The following SEC16A variants were observed in gnomAD, a reference collection of about 807,000 sequenced individuals.
The protein encoded by SEC16A is SEC16 homolog A, endoplasmic reticulum export factor, also known as protein transport protein Sec16A.
A neutral mutation model predicts 221.9 loss-of-function variants in SEC16A; 110 were observed. The observed-to-expected ratio is 0.50, with a 90% CI of 0.42 to 0.58. SEC16A has a LOEUF of 0.58. Among genes scored for constraint, SEC16A ranks in the 20% least tolerant of loss-of-function variants. The pLI, the probability that SEC16A is intolerant of heterozygous loss-of-function variation, is 0.00. For synonymous variants in SEC16A, 1,393 were observed against 1,257.7 expected, an observed-to-expected ratio of 1.11 and a Z score of -2.28; for missense variants, 3,165 against 3,097.8, an observed-to-expected ratio of 1.02 and a Z score of -0.52.
In SEC16A at chr9:136,464,737, C is replaced by T. The variant is rs542787039; in HGVS notation, c.4304-175G>A. Reference sequence around the variant, plus strand: ...TACTTAAAAGTAGAACTTCAGCATACGTCAGGAAAAGAAAAATGTCTGAAT... The same window carrying T: ...TACTTAAAAGTAGAACTTCAGCATATGTCAGGAAAAGAAAAATGTCTGAAT... On this transcript the variant is annotated intron_variant, in intron 8 of 31. Transcript: ENST00000684901. 6.2e-4 allele frequency among the ~76,000 whole-genome samples: 94 copies of T among 152,324 alleles called. No individual in the cohort carries two copies. The highest frequency in any genetic ancestry group is 3.4e-3 in the Middle Eastern group (1 of 294).
rs1262415751 is a variant in SEC16A, at chr9:136,448,169, TA to T, written c.6313-9del. 23 of 1,609,518 alleles carry T rather than the reference TA, an allele frequency of 1.4e-5. No individual in the cohort carries two copies. The highest frequency in any genetic ancestry group is 2.0e-5 in the Non-Finnish European group (23 of 1,176,356). On this transcript the variant is annotated splice_polypyrimidine_tract_variant and intron_variant, in intron 23 of 31. Transcript: ENST00000684901. ...AAAGAACCAGGATTCACCCTAAATA[TA>T]AAAAACACGAGAACAACTTTGAAAA...
chr9:136,461,058 G>A, intron 13 of SEC16A, 119 bp downstream of exon 13: 3 of 759,946 alleles, frequency 3.9e-6, no homozygotes, highest in South Asian at 3.0e-5. Context: ...CCGAGTTCGT[G>A]TGGGAGCACA....
At position 136,474,472 on chromosome 9, in the gene SEC16A, G is replaced by A; in HGVS notation, c.3144C>T (p.Ala1048=). Residue 1048 remains alanine (A), a synonymous_variant, in exon 3 of 32, where the codon GCC becomes GCT. Transcript: ENST00000684901. The part of the protein sequence containing the change: ...DRFYQQVTKD[A]QGQPGLERAQ... ...CTCTTTCGAGGCCAGGCTGGCCCTG[G>A]GCATCTTTCGTGACCTGCTGATAAA... 2.5e-6 allele frequency: 4 copies of A among 1,613,052 alleles called. No individual in the cohort carries two copies. In the South Asian group the frequency reaches 3.3e-5, roughly 13 times the overall value.
At chr9:136,479,540 G>A (rs1313135731) in intron 1 of SEC16A, among the ~76,000 whole-genome samples, 1 of 152,064 alleles carries the variant, frequency 6.6e-6, no homozygotes, top group Non-Finnish European at 1.5e-5. Context: ...TTTCAGTAGA[G>A]ATGGGGTTTC....
In SEC16A at chr9:136,453,861, C is replaced by A. The variant is rs566012343; in HGVS notation, c.6076+248G>T. The stretch of plus-strand genomic sequence containing the variant: ...CCCAGGAGACCCATGGCCACCATGC[C>A]CTGCCCCAAATGGCCATTTAAGCTT... On this transcript the variant is annotated intron_variant, in intron 21 of 31. Transcript: ENST00000684901. Among the ~76,000 whole-genome samples, 3 of 152,286 alleles carry A rather than the reference C, an allele frequency of 2.0e-5. No individual in the cohort carries two copies. The East Asian group carries it at 5.8e-4, about 29-fold the overall frequency.
Position 136,466,679 on chromosome 9 carries a change from G to A in SEC16A, c.3930-217C>T, listed in dbSNP as rs1291958663. 6.6e-6 allele frequency among the ~76,000 whole-genome samples: 1 copy of A among 152,230 alleles called. No individual in the cohort carries two copies. Among genetic ancestry groups the A allele is most frequent in the Non-Finnish European group, 1.5e-5 (1 of 68,042 alleles). On this transcript the variant is annotated intron_variant, in intron 6 of 31. Transcript: ENST00000684901. This position sits in a 1 kb window ranked among gnomAD's most constrained non-coding sequence, Gnocchi z 5.5. ...TTCTCTGGGCTGCAGGGCGCGACCG[G>A]TAAGAAGGGACGATGAGAAAGAGTG...
intron 4 of SEC16A, among the ~76,000 whole-genome samples, chr9:136,469,613 C>T (rs1840601795): frequency 6.6e-6 from 1 of 152,210 alleles, no homozygotes; most frequent in East Asian, 1.9e-4. Context: ...CTACAGTGAG[C>T]TATGACGGCA....
At position 136,477,572 on chromosome 9, in the gene SEC16A, G is replaced by A. The variant is rs561436017; in HGVS notation, c.44C>T (p.Pro15Leu). The A allele has an allele frequency of 5.0e-5, 80 of 1,612,700 alleles. No homozygotes were observed. Among genetic ancestry groups the A allele is most frequent in the Non-Finnish European group, 6.7e-5 (79 of 1,179,666 alleles). Residue 15 changes from proline to leucine, a missense_variant, in exon 3 of 32, where the codon CCA becomes CTA. By Grantham distance (98) the Pro-to-Leu change is moderately conservative. Around this residue, in one of 3 missense-constraint regions of SEC16A, gnomAD observed 2,030 missense variants for 1,923.1 expected, o/e 1.06. Transcript: ENST00000684901. The stretch of plus-strand genomic sequence containing the variant: ...GCTCCGAGGATTCCCGGCTGGAGGT[G>A]GCCCAGCCATGCCAGACGGGACCGT... ...PQTVPSGMAG[P>L]PPAGNPRSVF... is the part of the protein sequence containing the mutation.
rs1239109835 is a variant in SEC16A at position 136,446,846 on chromosome 9, C to G, written c.6792+9G>C. 1 of 1,594,322 alleles carries G rather than the reference C, an allele frequency of 6.3e-7. No individual in the cohort carries two copies. Among genetic ancestry groups the G allele is most frequent in the South Asian group, 1.1e-5 (1 of 88,144 alleles). On this transcript the variant is annotated intron_variant, in intron 28 of 31. Transcript: ENST00000684901. ...GGTACCTTTCCCCTTTCCCACCGTACCCGCTCACCTTGGGCTCTGGGGCAG... is the reference window on the plus strand; with the variant it reads ...GGTACCTTTCCCCTTTCCCACCGTAGCCGCTCACCTTGGGCTCTGGGGCAG...
rs370282372 is a variant in SEC16A, at chr9:136,472,019, C to T, written c.3660G>A (p.Arg1220=). 1 of 1,611,694 alleles carries T rather than the reference C, an allele frequency of 6.2e-7. No homozygotes were observed. The highest frequency in any genetic ancestry group is 8.5e-7 in the Non-Finnish European group (1 of 1,179,862). The change falls in exon 4 of 32, where the codon CGG becomes CGA. Residue 1220 remains arginine, a synonymous_variant. Coordinates refer to ENST00000684901, the MANE Select transcript of SEC16A (RefSeq NM_014866.2). ...AGGAGTGGCTGGCTCGGGAGCTGGG[C>T]CGCTCGGGCTCGGGATAGCGGTAGT... ...AQNYRYPEPE[R]PSSRASHSSE... is the part of the protein sequence containing the mutation.
At chr9:136,477,831 C>T in intron 2 of SEC16A, 147 bp from the exon 3 acceptor site, 2 of 763,706 alleles carry the variant, frequency 2.6e-6, no homozygotes, top group Non-Finnish European at 4.0e-6. Flanking sequence ...CACCCCACCC[C>T]AGCAGAGAAC....
chr9:136,482,263 G>C (rs767413795), intron 1 of SEC16A, among the ~76,000 whole-genome samples: 2 of 152,200 alleles, frequency 1.3e-5, no homozygotes, highest in Admixed American at 6.5e-5. Context: ...TTGCCACATG[G>C]GGGATGGGAA....
rs760071606 is a variant in SEC16A at position 136,445,007 on chromosome 9, C to T, written c.6927+45G>A. On this transcript the variant is annotated intron_variant, in intron 30 of 31. Coordinates refer to ENST00000684901, the MANE Select transcript of SEC16A (RefSeq NM_014866.2). ...ACCGCGTGCTCAGGAACACAGGCGGCACACGCCAGCTCTCATGTTAGTGAG... is the reference window on the plus strand; with the variant it reads ...ACCGCGTGCTCAGGAACACAGGCGGTACACGCCAGCTCTCATGTTAGTGAG... The T allele has an allele frequency of 9.0e-6, 14 of 1,556,700 alleles. 1 individual carries two copies. The highest frequency in any genetic ancestry group is 3.5e-5 in the South Asian group (3 of 85,674).
intron 23 of SEC16A, among the ~76,000 whole-genome samples, chr9:136,450,578 C>A (rs188678967): frequency 6.6e-6 from 1 of 152,068 alleles, no homozygotes; most frequent in Admixed American, 6.6e-5. Context: ...CGTCACACCT[C>A]GCTGTGGAGA....
intron 22 of SEC16A, 116 bp downstream of exon 22, chr9:136,453,312 T>G: frequency 1.4e-6 from 1 of 721,900 alleles, no homozygotes; most frequent in South Asian, 1.8e-5. Flanking sequence ...AGAAACAATT[T>G]TAGAAACAAT....
chr9:136,465,983 C>T lies in SEC16A; in HGVS notation c.4282G>A (p.Val1428Ile), dbSNP rs762456981. ...FPEYGYPADT[V>I]WPAMEQVSSR... ...ACACCTTGCTCCATGGCAGGCCAGA[C>T]GGTGTCGGCAGGGTAGCCATACTCT... The change falls in exon 8 of 32, where the codon GTC becomes ATC. Residue 1428 changes from valine to isoleucine, a missense_variant. This residue lies in a region of SEC16A where 2,030 missense variants were observed against 1,923.1 expected (regional missense o/e 1.06). Transcript: ENST00000684901. 3.0e-5 allele frequency: 49 copies of T among 1,613,182 alleles called. No individual in the cohort carries two copies. Among genetic ancestry groups the T allele is most frequent in the South Asian group, 8.8e-5 (8 of 91,082 alleles).
chr9:136,461,700 G>A (rs1839503921), intron 12 of SEC16A, among the ~76,000 whole-genome samples: 2 of 152,076 alleles, frequency 1.3e-5, no homozygotes, highest in East Asian at 1.9e-4. Context: ...AATCATCCAG[G>A]GCATAATTTA....
intron 23 of SEC16A, chr9:136,448,776 G>A: frequency 4.2e-6 from 3 of 713,770 alleles, no homozygotes; most frequent in Admixed American, 2.0e-5. Context: ...GACACCAGGA[G>A]GATGGAGGTG....
chr9:136,453,518 C>T lies in SEC16A; in HGVS notation c.6077-8G>A, dbSNP rs368059032. 124 of 1,608,976 alleles carry T rather than the reference C, an allele frequency of 7.7e-5. 1 individual carries two copies. Among genetic ancestry groups the T allele is most frequent in the South Asian group, 6.9e-4 (63 of 90,976 alleles). ...CCTCCTGCGGCACTATCCCTGTCAA[C>T]GGGAAAGAGAGCAACTATGATCTCA... On this transcript the variant is annotated splice_polypyrimidine_tract_variant and splice_region_variant and intron_variant, in intron 21 of 31. Coordinates refer to ENST00000684901, the MANE Select transcript of SEC16A (RefSeq NM_014866.2).
Sources: allele counts gnomAD v4.1 joint callset (sites outside exome capture counted in the v4.1 genomes callset), GRCh38; gene constraint gnomAD v4.1.1; regional missense constraint gnomAD v4.1.1; non-coding constraint Gnocchi (gnomAD v3.1); transcripts MANE v1.5; gene names NCBI Gene and HGNC (gene_info 2026-07-23, HGNC 2026-07-21).